BBS7: variants seen among roughly 807,000 people sequenced by gnomAD.
BBS7 encodes the protein Bardet-Biedl syndrome 7.
Under a neutral mutation model 90.3 loss-of-function variants are expected in BBS7, and 50 were observed. The ratio of observed to expected loss-of-function variants is 0.55; its 90% CI spans 0.44 to 0.70. BBS7 has a LOEUF of 0.70. Ranked by LOEUF, BBS7 falls within the 30% of genes least tolerant of loss-of-function variation. The pLI is 0.00. For synonymous variants in BBS7, 235 were observed against 287.4 expected (o/e 0.82, Z 1.85); for missense variants, 729 against 838.9 (o/e 0.87, Z 1.62).
chr4:121,847,717 A>T lies in BBS7; in HGVS notation c.935-211T>A, dbSNP rs373466274. Among the ~76,000 whole-genome samples, 10 of 150,936 alleles carry T rather than the reference A, an allele frequency of 6.6e-5. No individual in the cohort carries two copies. In the South Asian group the frequency reaches 2.1e-3, roughly 31 times the overall value. ...AGAAATTACTTAAGCATTTCACGAT[A>T]TCATTTTTTTTTTGCCTGAAATACT... On this transcript the variant is annotated intron_variant, in intron 9 of 18. Transcript: ENST00000264499.
intron 7 of BBS7, among the ~76,000 whole-genome samples, chr4:121,853,919 T>G (rs1445050590): frequency 6.6e-6 from 1 of 152,184 alleles, no homozygotes; most frequent in Non-Finnish European, 1.5e-5. Context: ...CTGACCTTCC[T>G]ACTGTTCCTC....
rs1242802157 is a variant in BBS7, at chr4:121,848,173, TAAGA to T, written c.934+667_935-668del. On this transcript the variant is annotated intron_variant, in intron 9 of 18. Transcript: ENST00000264499. The stretch of plus-strand genomic sequence containing the variant: ...ACCATAAAGTTTTTAATGCTGTAAG[TAAGA>T]GTGATTGACTAATACAGCAGCCTCC... Among the ~76,000 whole-genome samples the T allele has an allele frequency of 7.2e-5, 11 of 152,300 alleles. 1 individual carries two copies. The East Asian group carries it at 2.1e-3, about 29-fold the overall frequency.
At chr4:121,865,768 G>A (rs1727234801) in intron 2 of BBS7, among the ~76,000 whole-genome samples, 1 of 152,134 alleles carries the variant, frequency 6.6e-6, no homozygotes, top group Non-Finnish European at 1.5e-5. Context: ...CGCCCTATTT[G>A]TAGTTTTTGA....
chr4:121,858,882 G>T, intron 5 of BBS7, 110 bp downstream of exon 5: 2 of 1,010,708 alleles, frequency 2.0e-6, no homozygotes, highest in Non-Finnish European at 2.9e-6. Context: ...GTTTCCACAT[G>T]TTTATAAAAG....
chr4:121,831,592 A>AG (rs1041659496), intron 15 of BBS7, among the ~76,000 whole-genome samples: 4 of 152,232 alleles, frequency 2.6e-5, no homozygotes, highest in African/African-American at 9.6e-5. Flanking sequence ...ATAATATGCT[A>AG]GGGGCATGTT....
chr4:121,837,352 T>C (rs1330138562), intron 13 of BBS7, among the ~76,000 whole-genome samples: 1 of 152,216 alleles, frequency 6.6e-6, no homozygotes, highest in East Asian at 1.9e-4. Flanking sequence ...TGTTTATATG[T>C]TATTGACAAT....
intron 4 of BBS7, 46 bp from the exon 5 acceptor site, chr4:121,859,224 G>A: frequency 6.4e-7 from 1 of 1,554,020 alleles, no homozygotes; most frequent in Non-Finnish European, 8.9e-7. Context: ...CACAGGTACT[G>A]AATTTTTTTC....
chr4:121,835,884 C>A (rs1335968865), intron 13 of BBS7, among the ~76,000 whole-genome samples: 1 of 152,034 alleles, frequency 6.6e-6, no homozygotes, highest in East Asian at 1.9e-4. Flanking sequence ...TCTGGAGAAA[C>A]ATGTAAGTCA....
At chr4:121,861,263 T>G (rs1379447955) in intron 4 of BBS7, 2 of 343,694 alleles carry the variant, frequency 5.8e-6, no homozygotes, top group East Asian at 5.4e-5. Flanking sequence ...ACCTTGATCA[T>G]GAATCAAACT....
At position 121,854,720 on chromosome 4, in the gene BBS7, A is replaced by G. The variant is rs1426233896; in HGVS notation, c.702T>C (p.Asn234=). The change falls in exon 7 of 19, where the codon AAT becomes AAC. Residue 234 remains asparagine, a synonymous_variant. Transcript: ENST00000264499. The stretch of plus-strand genomic sequence containing the variant: ...AAAGCATACCTCCTCTCTTTTTCTC[A>G]TTTTGAATTTCCCACTTGCGTACTG... ...SKPVRKWEIQ[N]EKKRGGILCI... 6 of 1,611,524 alleles carry G rather than the reference A, an allele frequency of 3.7e-6. No homozygotes were observed. Among genetic ancestry groups the G allele is most frequent in the East Asian group, 2.2e-5 (1 of 44,704 alleles).
At chr4:121,862,397 GAATA>G (rs1435768684) in intron 3 of BBS7, among the ~76,000 whole-genome samples, 2 of 152,012 alleles carry the variant, frequency 1.3e-5, no homozygotes, top group African/African-American at 4.8e-5. Flanking sequence ...GGGAGAATAT[GAATA>G]ATGGAAACAC....
Position 121,861,622 on chromosome 4 carries a change from TA to T in BBS7, c.222del (p.Ile75SerfsTer76). ...PKIARLELGGVINTPQEKIFI... is the reference protein window; with the variant it reads ...PKIARLELGGXINTPQEKIFI... Reference sequence around the variant, plus strand: ...AAAATTTTCTCCTGAGGTGTGTTGATAACCCCTCCCAGTTCCAGCCTTGCAA... The same window carrying T: ...AAAATTTTCTCCTGAGGTGTGTTGATACCCCTCCCAGTTCCAGCCTTGCAA... On this transcript the variant is annotated frameshift_variant, in exon 4 of 19. Coordinates refer to ENST00000264499, the MANE Select transcript of BBS7 (RefSeq NM_176824.3). LOFTEE classifies it high-confidence loss of function. 1 of 1,613,860 alleles carries T rather than the reference TA, an allele frequency of 6.2e-7. No individual in the cohort carries two copies. Among genetic ancestry groups the T allele is most frequent in the Non-Finnish European group, 8.5e-7 (1 of 1,179,836 alleles).
chr4:121,870,378 G>A lies in BBS7; in HGVS notation c.-65C>T, dbSNP rs1727523109. On this transcript the variant is annotated 5_prime_UTR_variant, in exon 1 of 19. Transcript: ENST00000264499. ...CAGGAGGGACAGAGGCTTCGGGCCC[G>A]CAGGCCTCCGACCCAGTCAGAAGGC... is the stretch of plus-strand genomic sequence containing the variant. 3.2e-6 allele frequency: 5 copies of A among 1,585,430 alleles called. No homozygotes were observed. Among genetic ancestry groups the A allele is most frequent in the African/African-American group, 1.3e-5 (1 of 74,308 alleles).
At position 121,843,963 on chromosome 4, in the gene BBS7, AT is replaced by A; in HGVS notation, c.1268del (p.Asn423IlefsTer50). ...AGCTGCTAAAGCTAACAACAGCAGA[AT>A]TTTTATCCACATCAAGTAAATCTAT... ...VPIDLLDVDK[N>X]SAVVSFSSCD... is the part of the protein sequence containing the mutation. On this transcript the variant is annotated frameshift_variant, in exon 12 of 19. Transcript: ENST00000264499. LOFTEE classifies it high-confidence loss of function. 6.2e-7 allele frequency: 1 copy of A among 1,603,218 alleles called. No individual in the cohort carries two copies. Among genetic ancestry groups the A allele is most frequent in the Non-Finnish European group, 8.5e-7 (1 of 1,172,998 alleles).
chr4:121,863,935 G>A (rs1339043660), intron 2 of BBS7, among the ~76,000 whole-genome samples: 3 of 152,106 alleles, frequency 2.0e-5, no homozygotes, highest in Admixed American at 6.5e-5. Flanking sequence ...GTTCCAGTAC[G>A]TGGCCTGCTG....
At position 121,824,841 on chromosome 4, in the gene BBS7, CATT is replaced by C. The variant is rs964552855; in HGVS notation, c.*1016_*1018del. ...ATAACTAATAAGTATAATAGCATAT[CATT>C]AAGAAGCACTGTTTTCTAAAAAATT... is the stretch of plus-strand genomic sequence containing the variant. On this transcript the variant is annotated 3_prime_UTR_variant, in exon 19 of 19. Transcript: ENST00000264499. The surrounding 1 kb of genome is among the most constrained non-coding windows in gnomAD (Gnocchi z 4.1). The C allele has an allele frequency of 2.0e-5, 3 of 151,926 alleles. No individual in the cohort carries two copies. The highest frequency in any genetic ancestry group is 4.8e-5 in the African/African-American group (2 of 41,366). 9.4% of individuals were successfully genotyped at this position (151,926 alleles called of 1,614,324 possible).
chr4:121,855,851 C>CAT (rs1156730388), intron 5 of BBS7, among the ~76,000 whole-genome samples: 4 of 131,458 alleles, frequency 3.0e-5, no homozygotes, highest in South Asian at 2.5e-4. Context: ...TACATATATG[C>CAT]ACATGTATGT....
rs1164842255 is a variant in BBS7 at position 121,865,243 on chromosome 4, T to C, written c.103-1964A>G. On this transcript the variant is annotated intron_variant, in intron 2 of 18. Coordinates refer to ENST00000264499, the MANE Select transcript of BBS7 (RefSeq NM_176824.3). ...GATAGGATTTCATTCTTCTCTCTCT[T>C]TTTTTTTTTTTTGAGACAGAGTTTT... Among the ~76,000 whole-genome samples the C allele has an allele frequency of 1.4e-3, 23 of 16,116 alleles. No individual in the cohort carries two copies. In the Admixed American group the frequency reaches 0.018, roughly 13 times the overall value. 10.6% of individuals were successfully genotyped at this position (16,116 alleles called of 152,430 possible). A position where few individuals can be genotyped will look rare whatever the true frequency, so the allele number is the denominator to read the frequency against.
rs183230137 is a variant in BBS7 at position 121,833,079 on chromosome 4, C to A, written c.1676+152G>T. 266 of 722,642 alleles carry A rather than the reference C, an allele frequency of 3.7e-4. 2 individuals are homozygous for A. In the African/African-American group the frequency reaches 4.3e-3, roughly 12 times the overall value. The allele number at this position is 722,642 out of a possible 1,614,324, so 44.8% of individuals were successfully genotyped here. On this transcript the variant is annotated intron_variant, in intron 15 of 18. Coordinates refer to ENST00000264499, the MANE Select transcript of BBS7 (RefSeq NM_176824.3). The stretch of plus-strand genomic sequence containing the variant: ...TATACATCTTTACTCAATCACTTTT[C>A]TAAACTTACTAATTTGATTTTTCAA...
Sources: allele counts gnomAD v4.1 joint callset (sites outside exome capture counted in the v4.1 genomes callset), GRCh38; gene constraint gnomAD v4.1.1; non-coding constraint Gnocchi (gnomAD v3.1); transcripts MANE v1.5; gene names NCBI Gene and HGNC (gene_info 2026-07-23, HGNC 2026-07-21).